Variants in ARHGAP6 observed in about 807,000 individuals in gnomAD.
ARHGAP6 encodes Rho GTPase activating protein 6, also known as rho GTPase-activating protein 6.
A neutral mutation model predicts 55.7 loss-of-function variants in ARHGAP6; 16 were observed. The ratio of observed to expected loss-of-function variants is 0.29; its 90% CI spans 0.19 to 0.44. The LOEUF is 0.44. ARHGAP6 is among the 20% of genes least tolerant of loss of function. The pLI is 1.00. For synonymous variants in ARHGAP6, 382 were observed against 360.9 expected (o/e 1.06, Z -0.66); for missense variants, 698 against 808.9 (o/e 0.86, Z 1.66).
At chrX:11,163,290 C>T (rs981581732) in intron 9 of ARHGAP6, among the ~76,000 whole-genome samples, 1 of 112,159 alleles carries the variant, frequency 8.9e-6, no homozygotes, top group Admixed American at 9.4e-5. Flanking sequence ...AAAATCTACC[C>T]GATCAAATTA....
chrX:11,651,144 C>A (rs763918605), intron 1 of ARHGAP6, among the ~76,000 whole-genome samples: 7 of 111,310 alleles, frequency 6.3e-5, no homozygotes, highest in Admixed American at 4.8e-4. Flanking sequence ...GGTTCTTTAA[C>A]TTTTATTTTA....
chrX:11,565,689 T>C (rs1357171302), intron 1 of ARHGAP6, among the ~76,000 whole-genome samples: 3 of 112,596 alleles, frequency 2.7e-5, no homozygotes, highest in Non-Finnish European at 5.6e-5. Flanking sequence ...GAAGTCCTTT[T>C]CAATTCTTTA....
At chrX:11,524,214 T>C (rs1239673893) in intron 1 of ARHGAP6, among the ~76,000 whole-genome samples, 7 of 111,885 alleles carry the variant, frequency 6.3e-5, no homozygotes, top group Non-Finnish European at 1.3e-4. Context: ...TAGTCCACAC[T>C]GTATTTCCTA....
chrX:11,326,435 T>C (rs1225306441), intron 1 of ARHGAP6, among the ~76,000 whole-genome samples: 1 of 111,887 alleles, frequency 8.9e-6, no homozygotes, highest in African/African-American at 3.2e-5. Context: ...GCTGGGATTT[T>C]TTTTTTTTCC....
At chrX:11,327,437 C>T (rs2048512275) in intron 1 of ARHGAP6, among the ~76,000 whole-genome samples, 2 of 112,096 alleles carry the variant, frequency 1.8e-5, no homozygotes, top group Non-Finnish European at 3.8e-5. Flanking sequence ...TAAATTCAGC[C>T]CTTTAAAGAT....
intron 1 of ARHGAP6, among the ~76,000 whole-genome samples, chrX:11,403,294 CT>C (rs2049572433): frequency 9.0e-6 from 1 of 111,337 alleles, no homozygotes; most frequent in Admixed American, 9.6e-5. Flanking sequence ...AATCAGTCAT[CT>C]TTTGGTTGCT....
In ARHGAP6 at chrX:11,138,589, A is replaced by C; in HGVS notation, c.*274T>G. On this transcript the variant is annotated 3_prime_UTR_variant, in exon 13 of 13. Transcript: ENST00000337414. ...CTATACCAAGCAAGAGTTGTATCTTATATTATAGAGCCAAGAGGGACGTTT... is the reference window on the plus strand; with the variant it reads ...CTATACCAAGCAAGAGTTGTATCTTCTATTATAGAGCCAAGAGGGACGTTT... 2.5e-6 allele frequency: 1 copy of C among 395,795 alleles called. No individual in the cohort carries two copies. The highest frequency in any genetic ancestry group is 4.4e-6 in the Non-Finnish European group (1 of 229,457). 32.6% of individuals were successfully genotyped at this position (395,795 alleles called of 1,213,427 possible). A position where few individuals can be genotyped will look rare whatever the true frequency, so the allele number is the denominator to read the frequency against.
intron 1 of ARHGAP6, among the ~76,000 whole-genome samples, chrX:11,407,563 C>G (rs2049625724): frequency 1.8e-5 from 2 of 112,087 alleles, no homozygotes; most frequent in African/African-American, 3.2e-5. Context: ...TTTTGAGGAA[C>G]TGACAGGCTG....
At chrX:11,485,141 T>C (rs1603228501) in intron 1 of ARHGAP6, among the ~76,000 whole-genome samples, 2 of 112,417 alleles carry the variant, frequency 1.8e-5, no homozygotes, top group Admixed American at 1.9e-4. Flanking sequence ...CAAAATGAGA[T>C]GTAACATTCC....
intron 10 of ARHGAP6, among the ~76,000 whole-genome samples, chrX:11,154,034 A>C (rs2045828975): frequency 9.1e-6 from 1 of 109,378 alleles, no homozygotes; most frequent in Non-Finnish European, 1.9e-5. Context: ...TCATTGTTCA[A>C]TTCCCACCTA....
At chrX:11,594,726 A>G (rs146815731) in intron 1 of ARHGAP6, among the ~76,000 whole-genome samples, 3 of 111,998 alleles carry the variant, frequency 2.7e-5, no homozygotes, top group Admixed American at 9.4e-5. Context: ...CCCACCACCT[A>G]TGAAAAAACT....
At chrX:11,407,139 C>T (rs1485594761) in intron 1 of ARHGAP6, among the ~76,000 whole-genome samples, 4 of 111,442 alleles carry the variant, frequency 3.6e-5, no homozygotes, top group Admixed American at 2.9e-4. Flanking sequence ...CATTATTAGT[C>T]TCTCTGCATT....
intron 1 of ARHGAP6, among the ~76,000 whole-genome samples, chrX:11,377,967 G>C (rs890458883): frequency 8.9e-6 from 1 of 111,836 alleles, no homozygotes; most frequent in East Asian, 2.8e-4. Flanking sequence ...GACAGTCTGG[G>C]CCAGGATGGG....
intron 1 of ARHGAP6, among the ~76,000 whole-genome samples, chrX:11,353,817 C>A (rs1256568530): frequency 9.0e-6 from 1 of 110,790 alleles, no homozygotes; most frequent in African/African-American, 3.3e-5. Context: ...TTGACCTCAT[C>A]ATTGGAAAGG....
chrX:11,356,865 T>C (rs192143248), intron 1 of ARHGAP6, among the ~76,000 whole-genome samples: 123 of 112,268 alleles, frequency 1.1e-3, no homozygotes, highest in African/African-American at 3.8e-3. Flanking sequence ...AAATTGAGAA[T>C]TTATTTCATA....
chrX:11,622,033 C>T (rs1355337956), intron 1 of ARHGAP6, among the ~76,000 whole-genome samples: 2 of 111,638 alleles, frequency 1.8e-5, no homozygotes, highest in African/African-American at 3.3e-5. Context: ...ATTCTACTCC[C>T]AGAGAAACCA....
At position 11,254,662 on chromosome X, in the gene ARHGAP6, T is replaced by G. The variant is rs1490202272; in HGVS notation, c.634A>C (p.Arg212=). The G allele has an allele frequency of 1.7e-6, 2 of 1,191,004 alleles. No individual in the cohort carries two copies. Among genetic ancestry groups the G allele is most frequent in the Non-Finnish European group, 2.2e-6 (2 of 890,174 alleles). ...NSMSGRSVRL[R]SVPIQSLSEL... ...GAGAGACTCTGGATGGGGACTGACC[T>G]CAGCCGTACACTGCGGCCTGACATG... The change falls in exon 2 of 13, where the codon AGG becomes CGG. Residue 212 remains arginine, a synonymous_variant. Transcript: ENST00000337414.
chrX:11,224,905 T>C (rs2047025958), intron 2 of ARHGAP6, among the ~76,000 whole-genome samples: 1 of 110,727 alleles, frequency 9.0e-6, no homozygotes, highest in African/African-American at 3.3e-5. Context: ...TGCAGCCACA[T>C]TGCTTGGGAT....
intron 1 of ARHGAP6, among the ~76,000 whole-genome samples, chrX:11,313,320 A>G (rs763664372): frequency 1.1e-3 from 118 of 112,310 alleles, no homozygotes; most frequent in Non-Finnish European, 2.0e-3. Context: ...AAATCCATCC[A>G]CATAGAACTT....
Sources: allele counts gnomAD v4.1 joint callset (sites outside exome capture counted in the v4.1 genomes callset), GRCh38; gene constraint gnomAD v4.1.1; transcripts MANE v1.5; gene names NCBI Gene and HGNC (gene_info 2026-07-23, HGNC 2026-07-21).